IFT74: variants seen among roughly 807,000 people sequenced by gnomAD.
IFT74 encodes intraflagellar transport 74.
Under a neutral mutation model 96.7 loss-of-function variants are expected in IFT74, and 92 were observed. The observed-to-expected ratio is 0.95, with a 90% CI of 0.80 to 1.13. The LOEUF is 1.13. Ranked by LOEUF, IFT74 falls within the 50% of genes most tolerant of loss-of-function variation. IFT74 has a pLI of 0.00. For synonymous variants in IFT74, 223 were observed against 213.2 expected, an observed-to-expected ratio of 1.05 and a Z score of -0.40; for missense variants, 811 against 698.2, an observed-to-expected ratio of 1.16 and a Z score of -1.82.
intron 4 of IFT74, among the ~76,000 whole-genome samples, chr9:26,981,769 T>G (rs1447468514): frequency 1.6e-5 from 2 of 124,382 alleles, no homozygotes; most frequent in East Asian, 2.3e-4. Context: ...ATAAGAATAA[T>G]TTTTTTTTTT....
intron 1 of IFT74, among the ~76,000 whole-genome samples, chr9:26,960,153 C>G (rs1053515899): frequency 6.6e-6 from 1 of 152,094 alleles, no homozygotes; most frequent in African/African-American, 2.4e-5. Flanking sequence ...TGGCATGGCT[C>G]AGATTCCTGC....
At chr9:26,997,626 G>A (rs533474690) in intron 8 of IFT74, 23 of 1,257,076 alleles carry the variant, frequency 1.8e-5, no homozygotes, top group Admixed American at 1.1e-4. Context: ...GAGCCACTGC[G>A]CCTGGCTGCT....
At chr9:27,045,769 A>C (rs10967679) in intron 14 of IFT74, among the ~76,000 whole-genome samples, 1 of 152,006 alleles carries the variant, frequency 6.6e-6, no homozygotes, top group African/African-American at 2.4e-5. Flanking sequence ...GGAGGCATGC[A>C]ATAAAAGAGT....
At chr9:26,999,806 C>G in intron 8 of IFT74, 3 of 633,822 alleles carry the variant, frequency 4.7e-6, no homozygotes, top group Non-Finnish European at 7.1e-6. Flanking sequence ...GAGACAGGGT[C>G]TCACTCTGTC....
At chr9:27,039,972 A>G (rs1189394065) in intron 13 of IFT74, among the ~76,000 whole-genome samples, 2 of 152,202 alleles carry the variant, frequency 1.3e-5, no homozygotes, top group Non-Finnish European at 2.9e-5. Flanking sequence ...AACTAATTAA[A>G]ATTGAAATAG....
At chr9:27,053,161 CTT>C (rs58085385) in intron 16 of IFT74, among the ~76,000 whole-genome samples, 4,383 of 50,386 alleles carry the variant, frequency 0.087, 188 homozygotes, top group South Asian at 0.17. Context: ...CGCGCCTGGC[CTT>C]TTTTTTTTTT....
At chr9:26,966,383 G>T (rs780678399) in intron 2 of IFT74, among the ~76,000 whole-genome samples, 18 of 151,972 alleles carry the variant, frequency 1.2e-4, no homozygotes, top group Non-Finnish European at 2.1e-4. Flanking sequence ...GGAGTGAGAT[G>T]ATATCTCACT....
intron 16 of IFT74, among the ~76,000 whole-genome samples, chr9:27,054,411 A>G (rs551913893): frequency 1.3e-5 from 2 of 151,988 alleles, no homozygotes; most frequent in Non-Finnish European, 2.9e-5. Context: ...CTCTTTTCAT[A>G]TTTATCCAGT....
rs139879488 is a variant in IFT74 at position 27,044,645 on chromosome 9, T to C, written c.1055-97T>C. ...CTAATCGAACACGTCGAATAGTCAA[T>C]GACTAATGGCATAGAGAGAACCAAA... On this transcript the variant is annotated intron_variant, in intron 13 of 19. Coordinates refer to ENST00000380062, the MANE Select transcript of IFT74 (RefSeq NM_025103.4). 2.6e-3 allele frequency: 1,815 copies of C among 697,614 alleles called. 21 individuals are homozygous for C. In the African/African-American group the frequency reaches 0.027, roughly 11 times the overall value. 43.2% of individuals were successfully genotyped at this position (697,614 alleles called of 1,614,324 possible).
chr9:27,023,804 T>C (rs377186781), intron 12 of IFT74, among the ~76,000 whole-genome samples: 1 of 152,156 alleles, frequency 6.6e-6, no homozygotes, highest in Non-Finnish European at 1.5e-5. Context: ...ATCACCCACA[T>C]TGGCCATAGC....
At chr9:26,954,436 C>G (rs1427500965), upstream of IFT74, among the ~76,000 whole-genome samples, 1 of 152,172 alleles carries the variant, frequency 6.6e-6, no homozygotes, top group African/African-American at 2.4e-5. Context: ...GGGGGAGCCC[C>G]AAACCACTTA....
chr9:26,948,200 G>T (rs1825807779), intron 1 of IFT74, among the ~76,000 whole-genome samples: 6 of 152,006 alleles, frequency 3.9e-5, no homozygotes. Context: ...TCCCTGGGTG[G>T]ATTATTTACT....
chr9:26,966,014 G>GTA (rs777447494), intron 2 of IFT74, among the ~76,000 whole-genome samples: 3 of 151,860 alleles, frequency 2.0e-5, no homozygotes, highest in African/African-American at 7.3e-5. Flanking sequence ...ATATATATGT[G>GTA]TATATGTGTG....
In IFT74 at chr9:27,047,346, T is replaced by C. The variant is rs758583563; in HGVS notation, c.1181T>C (p.Val394Ala). Residue 394 changes from valine (V) to alanine (A), a missense_variant, in exon 15 of 20, where the codon GTT becomes GCT. By Grantham distance (64) the Val-to-Ala change is moderately conservative. Transcript: ENST00000380062. ...AAGGCACAGATAGAAGCCAACATTG[T>C]TGCACTCTTGGAGCACTGCAGTCGA... ...KRKAQIEANI[V>A]ALLEHCSRNI... 1.2e-6 allele frequency: 2 copies of C among 1,612,502 alleles called. No individual in the cohort carries two copies.
intron 2 of IFT74, 78 bp from the exon 3 acceptor site, chr9:26,978,050 T>G: frequency 7.6e-7 from 1 of 1,308,206 alleles, no homozygotes; most frequent in East Asian, 2.6e-5. Flanking sequence ...TTTAAAAAAT[T>G]GTCTTTGCAG....
At chr9:26,953,627 C>T (rs1050816933), upstream of IFT74, among the ~76,000 whole-genome samples, 1 of 152,064 alleles carries the variant, frequency 6.6e-6, no homozygotes, top group African/African-American at 2.4e-5. Context: ...CAGTAGAATA[C>T]CTTAATGATG....
At chr9:26,966,337 C>T (rs986066956) in intron 2 of IFT74, among the ~76,000 whole-genome samples, 1 of 151,920 alleles carries the variant, frequency 6.6e-6, no homozygotes, top group African/African-American at 2.4e-5. Context: ...TCAGCATTTG[C>T]TATTGCCTTT....
At chr9:26,997,676 G>C in intron 8 of IFT74, 1 of 1,519,248 alleles carries the variant, frequency 6.6e-7, no homozygotes. Context: ...TTTTTCTGTG[G>C]TGGAACATTG....
intron 1 of IFT74, among the ~76,000 whole-genome samples, chr9:26,949,344 G>A (rs546241167): frequency 9.8e-5 from 15 of 152,308 alleles, no homozygotes; most frequent in African/African-American, 3.6e-4. Context: ...CCATTAGGTT[G>A]AGATAGTTCC....
Sources: allele counts gnomAD v4.1 joint callset (sites outside exome capture counted in the v4.1 genomes callset), GRCh38; gene constraint gnomAD v4.1.1; transcripts MANE v1.5; gene names NCBI Gene and HGNC (gene_info 2026-07-23, HGNC 2026-07-21).